Variants in OR7D2 observed in about 807,000 individuals in gnomAD.
OR7D2 encodes the protein olfactory receptor family 7 subfamily D member 2.
For synonymous variants in OR7D2, 158 were observed against 158.7 expected (o/e 1.00, Z 0.03); for missense variants, 370 against 384.1 (o/e 0.96, Z 0.31).
At chr19:9,182,210 T>G (rs944990904) in intron 2 of OR7D2, among the ~76,000 whole-genome samples, 2 of 152,216 alleles carry the variant, frequency 1.3e-5, no homozygotes, top group Non-Finnish European at 2.9e-5. Flanking sequence ...ATTTCAACTT[T>G]GATTGCTATG....
intron 2 of OR7D2, among the ~76,000 whole-genome samples, chr19:9,183,253 T>G (rs1040738346): frequency 6.6e-6 from 1 of 152,134 alleles, no homozygotes; most frequent in African/African-American, 2.4e-5. Context: ...TCAGAGCCGC[T>G]TTCTGTGACT....
chr19:9,184,915 A>G (rs10405511), intron 2 of OR7D2, among the ~76,000 whole-genome samples: 70,893 of 151,952 alleles, frequency 0.47, 18,645 homozygotes, highest in African/African-American at 0.73. Context: ...TATGTTAAGT[A>G]GAATAAGTCA....
At chr19:9,181,504 G>T (rs2050989499) in intron 2 of OR7D2, among the ~76,000 whole-genome samples, 1 of 146,038 alleles carries the variant, frequency 6.8e-6, no homozygotes, top group African/African-American at 2.5e-5. Flanking sequence ...AGGCTGGCTG[G>T]GTTGCAGTGG....
At chr19:9,184,717 G>A (rs2145982035) in intron 2 of OR7D2, among the ~76,000 whole-genome samples, 1 of 152,166 alleles carries the variant, frequency 6.6e-6, no homozygotes, top group African/African-American at 2.4e-5. Flanking sequence ...ACATTTGTGT[G>A]TGTGTATATA....
chr19:9,183,798 G>A (rs8109554), intron 2 of OR7D2, among the ~76,000 whole-genome samples: 67,147 of 144,856 alleles, frequency 0.46, 17,359 homozygotes, highest in African/African-American at 0.72. Context: ...TCTACTAAAA[G>A]TACAAAAAAT....
At chr19:9,182,638 G>A (rs2050999094) in intron 2 of OR7D2, among the ~76,000 whole-genome samples, 1 of 152,064 alleles carries the variant, frequency 6.6e-6, no homozygotes, top group Admixed American at 6.6e-5. Flanking sequence ...TCCTGCCTCA[G>A]CCTCACGAGT....
chr19:9,180,982 GGGTGT>G (rs1294260865), intron 2 of OR7D2, among the ~76,000 whole-genome samples, 194 bp downstream of exon 2: 2 of 151,888 alleles, frequency 1.3e-5, no homozygotes, highest in Non-Finnish European at 2.9e-5. Context: ...AAAATTAGCC[GGGTGT>G]GGTGGCGAGC....
rs1369727324 is a variant in OR7D2 at position 9,187,317 on chromosome 19, T to C, written c.*597T>C. On this transcript the variant is annotated 3_prime_UTR_variant, in exon 3 of 3. Transcript: ENST00000641288. ...TAGCTCCCAATTATAAGTGAGATCATGCAGCATTTGACTTTGTTTCTTTAC... is the reference window on the plus strand; with the variant it reads ...TAGCTCCCAATTATAAGTGAGATCACGCAGCATTTGACTTTGTTTCTTTAC... 2 of 167,086 alleles carry C rather than the reference T, an allele frequency of 1.2e-5. No homozygotes were observed. The highest frequency in any genetic ancestry group is 4.8e-5 in the African/African-American group (2 of 41,458). The allele number at this position is 167,086 out of a possible 1,614,324, so 10.4% of individuals were successfully genotyped here. A position where few individuals can be genotyped will look rare whatever the true frequency, so the allele number is the denominator to read the frequency against.
In OR7D2 at chr19:9,188,806, G is replaced by A. The variant is rs570858415; in HGVS notation, c.*2086G>A. On this transcript the variant is annotated 3_prime_UTR_variant, in exon 3 of 3. Transcript: ENST00000641288. ...ACTGGATGAAGTATGATTAAAATACGTATTTAAATATAGCTGGTTATATCT... is the reference window on the plus strand; with the variant it reads ...ACTGGATGAAGTATGATTAAAATACATATTTAAATATAGCTGGTTATATCT... 4.8e-5 allele frequency: 8 copies of A among 166,934 alleles called. No homozygotes were observed. Among genetic ancestry groups the A allele is most frequent in the Admixed American group, 2.6e-4 (4 of 15,292 alleles). The allele number at this position is 166,934 out of a possible 1,614,324, so 10.3% of individuals were successfully genotyped here. A position where few individuals can be genotyped will look rare whatever the true frequency, so the allele number is the denominator to read the frequency against.
chr19:9,186,171 G>GCA lies in OR7D2; in HGVS notation c.392_393dup (p.Tyr132ThrfsTer3). On this transcript the variant is annotated frameshift_variant, in exon 3 of 3. Coordinates refer to ENST00000641288, the MANE Select transcript of OR7D2 (RefSeq NM_175883.4). LOFTEE classifies it low-confidence loss of function (END_TRUNC). ...GGTTTGTGGCTGTCTGCCACCCTCT[G>GCA]CACTATATGATCATCATGAACCCCC... The GCA allele has an allele frequency of 6.2e-7, 1 of 1,614,028 alleles. No individual in the cohort carries two copies. The highest frequency in any genetic ancestry group is 8.5e-7 in the Non-Finnish European group (1 of 1,180,004).
Position 9,186,202 on chromosome 19 carries a change from T to G in OR7D2, c.421T>G (p.Cys141Gly). ...HYMIIMNPHL[C>G]GLLVFVTWLI... is the part of the protein sequence containing the mutation. Reference sequence around the variant, plus strand: ...TATGATCATCATGAACCCCCACCTCTGTGGCCTCCTGGTTTTTGTCACCTG... The same window carrying G: ...TATGATCATCATGAACCCCCACCTCGGTGGCCTCCTGGTTTTTGTCACCTG... The change falls in exon 3 of 3, where the codon TGT becomes GGT. Residue 141 changes from cysteine to glycine, a missense_variant. Transcript: ENST00000641288. The G allele has an allele frequency of 6.2e-7, 1 of 1,614,154 alleles. No homozygotes were observed. The highest frequency in any genetic ancestry group is 8.5e-7 in the Non-Finnish European group (1 of 1,180,010).
chr19:9,185,870 T>C lies in OR7D2; in HGVS notation c.89T>C (p.Leu30Pro). ...DPELQPFIFG[L>P]FLSMYLVTVL... is the part of the protein sequence containing the mutation. ...GAACTACAGCCGTTCATATTTGGGC[T>C]GTTCCTGTCCATGTACCTGGTGACG... The change falls in exon 3 of 3, where the codon CTG becomes CCG. Residue 30 changes from leucine (L) to proline (P), a missense_variant. Leu to Pro is a moderately conservative substitution (Grantham distance 98, BLOSUM62 -3). Transcript: ENST00000641288. 1 of 1,613,892 alleles carries C rather than the reference T, an allele frequency of 6.2e-7. No individual in the cohort carries two copies. Among genetic ancestry groups the C allele is most frequent in the Non-Finnish European group, 8.5e-7 (1 of 1,179,844 alleles).
In OR7D2 at chr19:9,188,102, T is replaced by C. The variant is rs931304441; in HGVS notation, c.*1382T>C. The C allele has an allele frequency of 1.3e-5, 2 of 154,608 alleles. No individual in the cohort carries two copies. Among genetic ancestry groups the C allele is most frequent in the African/African-American group, 4.8e-5 (2 of 41,388 alleles). The allele number at this position is 154,608 out of a possible 1,614,324, so 9.6% of individuals were successfully genotyped here. A position where few individuals can be genotyped will look rare whatever the true frequency, so the allele number is the denominator to read the frequency against. The stretch of plus-strand genomic sequence containing the variant: ...TCTACTTTTAGTTCTTTTTTTTGTT[T>C]TTTTTTTAAGACAGAGTCTCACTCT... On this transcript the variant is annotated 3_prime_UTR_variant, in exon 3 of 3. Transcript: ENST00000641288.
At chr19:9,181,566 T>C (rs904868681) in intron 2 of OR7D2, among the ~76,000 whole-genome samples, 2 of 150,994 alleles carry the variant, frequency 1.3e-5, no homozygotes, top group Non-Finnish European at 2.9e-5. Context: ...GCAATTCTCC[T>C]GCCTCAGCCT....
rs2051041027 is a variant in OR7D2 at position 9,186,916 on chromosome 19, A to T, written c.*196A>T. 1 of 476,092 alleles carries T rather than the reference A, an allele frequency of 2.1e-6. No homozygotes were observed. 29.5% of individuals were successfully genotyped at this position (476,092 alleles called of 1,614,324 possible). On this transcript the variant is annotated 3_prime_UTR_variant, in exon 3 of 3. Coordinates refer to ENST00000641288, the MANE Select transcript of OR7D2 (RefSeq NM_175883.4). ...ACCAATTACCTGAATAGTGAACATAAGGCACTTTTTTTTCTTTTTTGAGAC... is the reference window on the plus strand; with the variant it reads ...ACCAATTACCTGAATAGTGAACATATGGCACTTTTTTTTCTTTTTTGAGAC...
Position 9,186,010 on chromosome 19 carries a change from A to G in OR7D2, c.229A>G (p.Ile77Val). The change falls in exon 3 of 3, where the codon ATC becomes GTC. Residue 77 changes from isoleucine to valine, a missense_variant. Transcript: ENST00000641288. ...SWVDICFSTC[I>V]VPKMLVNIQT... ...GGTTGACATCTGTTTCAGCACTTGCATCGTCCCCAAGATGCTGGTGAACAT... is the reference window on the plus strand; with the variant it reads ...GGTTGACATCTGTTTCAGCACTTGCGTCGTCCCCAAGATGCTGGTGAACAT... 6.2e-7 allele frequency: 1 copy of G among 1,614,096 alleles called. No individual in the cohort carries two copies. The highest frequency in any genetic ancestry group is 8.5e-7 in the Non-Finnish European group (1 of 1,180,006).
chr19:9,183,955 CAAAAAAAAAAAAAAAAAAAA>C lies in OR7D2; in HGVS notation c.-13-1795_-13-1776del, dbSNP rs755935536. Among the ~76,000 whole-genome samples the C allele has an allele frequency of 5.9e-3, 115 of 19,486 alleles. 1 individual carries two copies. The highest frequency in any genetic ancestry group is 0.013 in the Non-Finnish European group (102 of 7,666). 12.8% of individuals were successfully genotyped at this position (19,486 alleles called of 152,430 possible). On this transcript the variant is annotated intron_variant, in intron 2 of 2. Transcript: ENST00000641288. Reference sequence around the variant, plus strand: ...CCTGGGCGACAGCAAGACTCCGTCTCAAAAAAAAAAAAAAAAAAAAAAAAAAAAAAAAAAAAAAGACAAGA... The same window carrying C: ...CCTGGGCGACAGCAAGACTCCGTCTCAAAAAAAAAAAAAAAAAAGACAAGA...
chr19:9,181,705 G>A (rs1157602625), intron 2 of OR7D2, among the ~76,000 whole-genome samples: 1 of 152,062 alleles, frequency 6.6e-6, no homozygotes, highest in African/African-American at 2.4e-5. Context: ...TACTCTCACA[G>A]CCTCACAAAG....
chr19:9,179,547 A>AG (rs1439544242), intron 1 of OR7D2, among the ~76,000 whole-genome samples: 1 of 151,678 alleles, frequency 6.6e-6, no homozygotes, highest in Non-Finnish European at 1.5e-5. Context: ...CTGTCTCAAA[A>AG]AAAAAAAAAG....
Sources: allele counts gnomAD v4.1 joint callset (sites outside exome capture counted in the v4.1 genomes callset), GRCh38; gene constraint gnomAD v4.1.1; transcripts MANE v1.5; gene names NCBI Gene and HGNC (gene_info 2026-07-23, HGNC 2026-07-21).